Variants in MYCBP observed in about 807,000 individuals in gnomAD.
MYCBP encodes the protein MYC binding protein.
MYCBP carries 5 observed loss-of-function variants against 16.8 expected under a neutral mutation model. That is an observed-to-expected ratio of 0.30 (90% CI 0.16 to 0.63). The LOEUF (loss-of-function observed/expected upper bound fraction) is 0.63. Among genes scored for constraint, MYCBP ranks in the 20% least tolerant of loss-of-function variants. The pLI, the probability that MYCBP is intolerant of heterozygous loss-of-function variation, is 0.83. For missense variants in MYCBP, 103 were observed against 121.8 expected (o/e 0.85, Z 0.73); for synonymous variants, 35 against 43.7 (o/e 0.80, Z 0.79).
intron 4 of MYCBP, among the ~76,000 whole-genome samples, chr1:38,865,955 T>G (rs1029704117): frequency 1.3e-5 from 2 of 151,202 alleles, no homozygotes; most frequent in African/African-American, 4.9e-5. Flanking sequence ...TAAAATCAAC[T>G]GCTTAAGAAC....
chr1:38,866,084 T>C (rs1642332065), intron 4 of MYCBP, among the ~76,000 whole-genome samples: 2 of 139,188 alleles, frequency 1.4e-5, no homozygotes, highest in Non-Finnish European at 3.1e-5. Context: ...GTTTCATTCT[T>C]GTTGCCCAGG....
chr1:38,873,210 C>T, intron 1 of MYCBP, 81 bp downstream of exon 1: 1 of 1,572,414 alleles, frequency 6.4e-7, no homozygotes, highest in Non-Finnish European at 8.6e-7. Context: ...CAAACCTGCG[C>T]GCGCGACCCC....
intron 4 of MYCBP, among the ~76,000 whole-genome samples, chr1:38,866,137 C>T (rs556142574): frequency 7.1e-6 from 1 of 141,454 alleles, no homozygotes; most frequent in South Asian, 2.3e-4. Flanking sequence ...CAACTTCCAC[C>T]TCCCGGGTTC....
At chr1:38,869,082 T>G (rs945094899) in intron 2 of MYCBP, among the ~76,000 whole-genome samples, 1 of 142,974 alleles carries the variant, frequency 7.0e-6, no homozygotes, top group Admixed American at 7.0e-5. Flanking sequence ...ATTCATTTGG[T>G]TTTTTTTTTT....
At chr1:38,867,463 AAG>A in intron 3 of MYCBP, 97 bp downstream of exon 3, 1 of 1,067,642 alleles carries the variant, frequency 9.4e-7, no homozygotes, top group Non-Finnish European at 1.4e-6. Flanking sequence ...AAAAAAAAAA[AAG>A]TAACTTTCTC....
rs139794237 is a variant in MYCBP at position 38,870,968 on chromosome 1, G to A, written c.88+2050C>T. On this transcript the variant is annotated intron_variant, in intron 2 of 4. Transcript: ENST00000397572. ...GAGAGGTTAAATTCTAGTGGAGGGC[G>A]GTGGCTCACACCTGTAATCCCAGCA... 4.1e-4 allele frequency among the ~76,000 whole-genome samples: 63 copies of A among 152,046 alleles called. No homozygotes were observed. In the East Asian group the frequency reaches 0.01, roughly 25 times the overall value.
intron 4 of MYCBP, 39 bp downstream of exon 4, chr1:38,866,841 G>T: frequency 7.1e-7 from 1 of 1,407,426 alleles, no homozygotes; most frequent in East Asian, 2.5e-5. Flanking sequence ...ATTATTACAG[G>T]TAAAATTATT....
intron 2 of MYCBP, among the ~76,000 whole-genome samples, chr1:38,869,934 C>T (rs534279501): frequency 3.3e-5 from 5 of 151,778 alleles, no homozygotes; most frequent in Non-Finnish European, 7.4e-5. Context: ...TTTGGTAGGC[C>T]GAGGCAGGCA....
At chr1:38,872,852 G>A (rs1002491833) in intron 2 of MYCBP, among the ~76,000 whole-genome samples, 166 bp downstream of exon 2, 2 of 152,242 alleles carry the variant, frequency 1.3e-5, no homozygotes, top group Non-Finnish European at 2.9e-5. Flanking sequence ...CACCCGGGCG[G>A]CGTCCAGCAG....
intron 2 of MYCBP, 90 bp downstream of exon 2, chr1:38,872,928 T>A (rs1437610614): frequency 1.4e-6 from 2 of 1,439,886 alleles, no homozygotes; most frequent in Non-Finnish European, 1.9e-6. Flanking sequence ...CTGTTTCCCC[T>A]CCTTCCCCAC....
In MYCBP at chr1:38,866,967, T is replaced by C. The variant is rs1287306603; in HGVS notation, c.180A>G (p.Pro60=). 1.2e-6 allele frequency: 2 copies of C among 1,611,010 alleles called. No homozygotes were observed. The highest frequency in any genetic ancestry group is 2.2e-5 in the South Asian group (2 of 90,536). ...HHLGAATPEN[P]EIELLRLELA... ...GTTCTAGGCGAAGCAGCTCTATTTC[T>C]GGATTTTCTGGAGTAGCAGCTCCTA... The change falls in exon 4 of 5, where the codon CCA becomes CCG. Residue 60 remains proline (P), a synonymous_variant. Transcript: ENST00000397572.
At chr1:38,873,187 G>C in intron 1 of MYCBP, 97 bp from the exon 2 acceptor site, 3 of 1,559,406 alleles carry the variant, frequency 1.9e-6, no homozygotes, top group Middle Eastern at 2.1e-4. Flanking sequence ...CACTACCTCG[G>C]GGCCCTCCCG....
At chr1:38,871,189 G>A (rs928315959) in intron 2 of MYCBP, among the ~76,000 whole-genome samples, 5 of 152,098 alleles carry the variant, frequency 3.3e-5, no homozygotes, top group Admixed American at 6.5e-5. Context: ...GCAGTGAGCC[G>A]AGATCATGCC....
intron 2 of MYCBP, among the ~76,000 whole-genome samples, chr1:38,869,174 C>G (rs566550268): frequency 6.6e-6 from 1 of 151,618 alleles, no homozygotes; most frequent in Non-Finnish European, 1.5e-5. Flanking sequence ...CCACAACCCC[C>G]GCCTCCCAGG....
intron 2 of MYCBP, among the ~76,000 whole-genome samples, chr1:38,870,485 A>C (rs1161584249): frequency 6.6e-6 from 1 of 152,106 alleles, no homozygotes; most frequent in African/African-American, 2.4e-5. Context: ...TCTGTCTCAA[A>C]AAAAATAAAA....
In MYCBP at chr1:38,864,460, G is replaced by C. The variant is rs1268259743; in HGVS notation, c.*210C>G. 3.4e-6 allele frequency: 2 copies of C among 587,792 alleles called. No individual in the cohort carries two copies. The highest frequency in any genetic ancestry group is 3.7e-5 in the African/African-American group (2 of 53,354). The allele number at this position is 587,792 out of a possible 1,614,324, so 36.4% of individuals were successfully genotyped here. ...GATGGCTGTGTTTAGGTTTTGTTCA[G>C]GATTTACTTTGGATTCTCCTGCTTT... On this transcript the variant is annotated 3_prime_UTR_variant, in exon 5 of 5. Coordinates refer to ENST00000397572, the MANE Select transcript of MYCBP (RefSeq NM_012333.5).
At chr1:38,865,348 T>C (rs1434383689) in intron 4 of MYCBP, among the ~76,000 whole-genome samples, 2 of 152,250 alleles carry the variant, frequency 1.3e-5, no homozygotes, top group African/African-American at 4.8e-5. Context: ...CTTGTGTACT[T>C]GTTTCACTTA....
At chr1:38,865,633 T>G (rs1310075650) in intron 4 of MYCBP, among the ~76,000 whole-genome samples, 1 of 151,956 alleles carries the variant, frequency 6.6e-6, no homozygotes, top group African/African-American at 2.4e-5. Flanking sequence ...GGGACCCCAT[T>G]TCTACAAAAA....
intron 2 of MYCBP, among the ~76,000 whole-genome samples, chr1:38,868,699 A>T (rs1642390426): frequency 6.6e-6 from 1 of 152,098 alleles, no homozygotes; most frequent in Non-Finnish European, 1.5e-5. Context: ...AAGTCAGGAG[A>T]TCAAGACCAT....
Sources: allele counts gnomAD v4.1 joint callset (sites outside exome capture counted in the v4.1 genomes callset), GRCh38; gene constraint gnomAD v4.1.1; transcripts MANE v1.5; gene names NCBI Gene and HGNC (gene_info 2026-07-23, HGNC 2026-07-21).